NOX4: variants seen among roughly 807,000 people sequenced by gnomAD.
NOX4 encodes the protein kidney oxidase-1.
A neutral mutation model predicts 87.6 loss-of-function variants in NOX4; 69 were observed. The ratio of observed to expected loss-of-function variants is 0.79; its 90% confidence interval spans 0.65 to 0.96. The LOEUF is 0.96. Among genes scored for constraint, NOX4 ranks in the 40% least tolerant of loss-of-function variants. The pLI, the probability that NOX4 is intolerant of heterozygous loss-of-function variation, is 0.00. For missense variants in NOX4, 680 were observed against 681.5 expected, an observed-to-expected ratio of 1.00 and a Z score of 0.02; for synonymous variants, 275 against 238.2, an observed-to-expected ratio of 1.15 and a Z score of -1.42.
chr11:89,371,174 G>C (rs1301257425), intron 12 of NOX4, among the ~76,000 whole-genome samples: 6 of 151,846 alleles, frequency 4.0e-5, no homozygotes, highest in Non-Finnish European at 1.5e-5. Context: ...TTGTTGTAAG[G>C]CAGCTAAATC....
intron 12 of NOX4, among the ~76,000 whole-genome samples, chr11:89,367,313 A>T (rs1285570757): frequency 6.6e-6 from 1 of 152,138 alleles, no homozygotes. Context: ...CAGTATAAAA[A>T]TCAATCATTC....
chr11:89,438,818 T>TATAA (rs1273820532), intron 6 of NOX4, among the ~76,000 whole-genome samples: 1 of 3,660 alleles, frequency 2.7e-4, no homozygotes, highest in African/African-American at 1.8e-3. Flanking sequence ...ATTATATATA[T>TATAA]TATATAATAT....
Position 89,399,432 on chromosome 11 carries a change from AATATATATATATATATATATATAT to A in NOX4, c.1074+561_1074+584del, listed in dbSNP as rs1208007737. Among the ~76,000 whole-genome samples the A allele has an allele frequency of 9.8e-4, 74 of 75,648 alleles. 2 individuals are homozygous for A. Among genetic ancestry groups the A allele is most frequent in the East Asian group, 4.6e-3 (14 of 3,050 alleles). 49.6% of individuals were successfully genotyped at this position (75,648 alleles called of 152,430 possible). On this transcript the variant is annotated intron_variant, in intron 11 of 17. Transcript: ENST00000263317. ...AGAAAAGTAAATATTCAAGAAATTA[AATATATATATATATATATATATAT>A]ATATATATATATATATTTGTTTTTT...
At chr11:89,580,613 T>C in the NOX4 span, among the ~76,000 whole-genome samples, 2,468 of 152,290 alleles carry the variant, frequency 0.016, 74 homozygotes, top group African/African-American at 0.056. Flanking sequence ...ATCATTTAAT[T>C]AGTAAAATTC....
chr11:89,346,607 A>G (rs1156786203), intron 13 of NOX4, among the ~76,000 whole-genome samples: 2 of 142,628 alleles, frequency 1.4e-5, no homozygotes, highest in Admixed American at 6.9e-5. Flanking sequence ...TGCTTAATCT[A>G]TCTCCAGAAA....
At chr11:89,443,171 G>C (rs948919005) in intron 5 of NOX4, among the ~76,000 whole-genome samples, 1 of 152,124 alleles carries the variant, frequency 6.6e-6, no homozygotes, top group African/African-American at 2.4e-5. Flanking sequence ...AATACCAATA[G>C]AGACAAGGGC....
intron 17 of NOX4, among the ~76,000 whole-genome samples, chr11:89,331,530 T>C (rs1236940025): frequency 6.6e-6 from 1 of 151,810 alleles, no homozygotes; most frequent in Non-Finnish European, 1.5e-5. Flanking sequence ...AAACATAATG[T>C]AGCTTCCATT....
chr11:89,337,559 G>A (rs766334671), intron 15 of NOX4, 44 bp from the exon 16 acceptor site: 13 of 1,599,376 alleles, frequency 8.1e-6, no homozygotes, highest in South Asian at 6.7e-5. Context: ...AATTCTGTGG[G>A]TATACTCAGA....
chr11:89,516,350 C>T, the NOX4 span, among the ~76,000 whole-genome samples: 2 of 152,056 alleles, frequency 1.3e-5, no homozygotes, highest in East Asian at 3.9e-4. Context: ...ATTAGAGACT[C>T]GATATGCTTC....
the NOX4 span, among the ~76,000 whole-genome samples, chr11:89,574,417 G>C: frequency 0.075 from 11,477 of 152,188 alleles, 1,365 homozygotes; most frequent in African/African-American, 0.25. Flanking sequence ...ATTCCAAAAA[G>C]CAGGCTCTTC....
At chr11:89,401,953 A>G (rs1245850462) in intron 9 of NOX4, among the ~76,000 whole-genome samples, 2 of 151,646 alleles carry the variant, frequency 1.3e-5, no homozygotes, top group East Asian at 1.9e-4. Context: ...ACATAATAAT[A>G]TAATACAATA....
chr11:89,390,671 A>G (rs1468966423), intron 11 of NOX4, among the ~76,000 whole-genome samples: 2 of 152,158 alleles, frequency 1.3e-5, no homozygotes, highest in Admixed American at 1.3e-4. Context: ...CAGAATTAGG[A>G]GCAAGTAATT....
At chr11:89,467,123 C>T (rs536482211) in intron 2 of NOX4, among the ~76,000 whole-genome samples, 9 of 151,830 alleles carry the variant, frequency 5.9e-5, no homozygotes, top group South Asian at 4.2e-4. Flanking sequence ...CCAAGGCAGG[C>T]GGATCACGAG....
At chr11:89,360,445 A>G (rs1370566757) in intron 12 of NOX4, among the ~76,000 whole-genome samples, 1 of 152,194 alleles carries the variant, frequency 6.6e-6, no homozygotes, top group African/African-American at 2.4e-5. Context: ...AGAGATATGT[A>G]CTCCCTGAAA....
In NOX4 at chr11:89,400,034, G is replaced by A. The variant is rs545463325; in HGVS notation, c.1057C>T (p.Pro353Ser). The A allele has an allele frequency of 6.2e-7, 1 of 1,608,062 alleles. No homozygotes were observed. The highest frequency in any genetic ancestry group is 1.7e-5 in the Admixed American group (1 of 59,728). ...CPSVSALENH[P>S]FTLTMCPTET... ...TTTCTTACCATTGTGAGGGTAAATG[G>A]ATGATTTTCTAATGCAGATACACTG... Residue 353 changes from proline (P) to serine (S), a missense_variant, in exon 11 of 18, where the codon CCA becomes TCA. By Grantham distance (74) the Pro-to-Ser change is moderately conservative. Coordinates refer to ENST00000263317, the MANE Select transcript of NOX4 (RefSeq NM_016931.5).
intron 13 of NOX4, among the ~76,000 whole-genome samples, chr11:89,348,471 G>A (rs1343349538): frequency 1.3e-5 from 2 of 149,434 alleles, no homozygotes; most frequent in Admixed American, 6.6e-5. Flanking sequence ...ATATATATAT[G>A]CCAGGCCTGG....
chr11:89,541,657 A>G, the NOX4 span, among the ~76,000 whole-genome samples: 1 of 152,210 alleles, frequency 6.6e-6, no homozygotes, highest in Non-Finnish European at 1.5e-5. Context: ...AACATTTAAT[A>G]TCAAATTTTT....
At chr11:89,338,841 T>C (rs937452195) in intron 15 of NOX4, among the ~76,000 whole-genome samples, 1 of 152,170 alleles carries the variant, frequency 6.6e-6, no homozygotes, top group African/African-American at 2.4e-5. Context: ...TTCTTGAACA[T>C]GCAATATAAA....
At chr11:89,437,370 T>C (rs1040738835) in intron 6 of NOX4, among the ~76,000 whole-genome samples, 1 of 152,118 alleles carries the variant, frequency 6.6e-6, no homozygotes, top group Non-Finnish European at 1.5e-5. Flanking sequence ...AGTTCATTGA[T>C]AGAAAAAGGT....
Sources: gnomAD v4.1 joint callset for allele counts (sites outside exome capture counted in the v4.1 genomes callset) on GRCh38, gnomAD v4.1.1 for gene constraint, MANE v1.5 for transcripts, NCBI Gene and HGNC (gene_info 2026-07-23, HGNC 2026-07-21) for gene names.